Variants in HNMT observed in about 807,000 individuals in gnomAD.
HNMT encodes the protein histamine N-methyltransferase.
Under a neutral mutation model 32.1 loss-of-function variants are expected in HNMT, and 30 were observed. The observed-to-expected ratio is 0.93, with a 90% CI of 0.70 to 1.27. The LOEUF (loss-of-function observed/expected upper bound fraction) is 1.27. Among genes scored for constraint, HNMT ranks in the 50% most tolerant of loss-of-function variants. HNMT has a pLI of 0.00. For missense variants in HNMT, 327 were observed against 346.0 expected, an observed-to-expected ratio of 0.95 and a Z score of 0.43; for synonymous variants, 125 against 119.0, an observed-to-expected ratio of 1.05 and a Z score of -0.33.
intron 5 of HNMT, 140 bp from the exon 6 acceptor site, chr2:138,013,635 C>A: frequency 1.6e-6 from 1 of 629,802 alleles, no homozygotes; most frequent in Non-Finnish European, 2.7e-6. Flanking sequence ...TTTCTCTCTC[C>A]TCCTGTACTC....
intron 2 of HNMT, among the ~76,000 whole-genome samples, chr2:137,976,508 G>A (rs936741568): frequency 3.3e-4 from 50 of 152,160 alleles, no homozygotes; most frequent in Admixed American, 1.6e-3. Flanking sequence ...ATTTTTCGGA[G>A]TAGTGTGGCT....
intron 2 of HNMT, among the ~76,000 whole-genome samples, chr2:137,970,771 T>G (rs1680098839): frequency 3.3e-5 from 5 of 151,608 alleles, no homozygotes; most frequent in Admixed American, 3.3e-4. Context: ...ATACAAAAAA[T>G]TAGCCAAGCG....
intron 2 of HNMT, among the ~76,000 whole-genome samples, chr2:137,984,669 A>G (rs1173964139): frequency 1.3e-5 from 2 of 152,214 alleles, no homozygotes; most frequent in East Asian, 3.9e-4. Flanking sequence ...AACACTAAGT[A>G]AATATTGGAA....
At chr2:138,003,075 G>A (rs1335057587) in intron 4 of HNMT, among the ~76,000 whole-genome samples, 5 of 111,834 alleles carry the variant, frequency 4.5e-5, no homozygotes, top group Non-Finnish European at 9.2e-5. Flanking sequence ...CACACTCTGG[G>A]GTCTGTTGTG....
intron 2 of HNMT, among the ~76,000 whole-genome samples, chr2:137,973,320 C>A (rs1680190020): frequency 6.6e-6 from 1 of 152,078 alleles, no homozygotes; most frequent in Admixed American, 6.6e-5. Flanking sequence ...CTATTATGGC[C>A]TGACTACAAG....
rs1273433086 is a variant in HNMT at position 138,005,221 on chromosome 2, G to T, written c.519G>T (p.Val173=). 6.5e-7 allele frequency: 1 copy of T among 1,548,994 alleles called. No homozygotes were observed. The highest frequency in any genetic ancestry group is 1.7e-5 in the Admixed American group (1 of 59,542). ...ATGCTAAGATGCTCATTATTGTTGT[G>T]TCAGGTAAGTTATTTTCATTCAGCC... ...GTNAKMLIIV[V]SGSSGWDKLW... The change falls in exon 5 of 6, where the codon GTG becomes GTT. Residue 173 remains valine (V), a synonymous_variant. Coordinates refer to ENST00000280097, the MANE Select transcript of HNMT (RefSeq NM_006895.3).
intron 2 of HNMT, among the ~76,000 whole-genome samples, chr2:137,991,235 A>G (rs1394969217): frequency 6.6e-6 from 1 of 152,224 alleles, no homozygotes; most frequent in East Asian, 1.9e-4. Context: ...AAGCTCTTCA[A>G]ATCCTGTTCT....
At chr2:137,981,532 AGGT>A in intron 2 of HNMT, 1 of 659,692 alleles carries the variant, frequency 1.5e-6, no homozygotes, top group South Asian at 2.1e-5. Context: ...CCGTAAAATT[AGGT>A]GTTTTTGCCT....
intron 1 of HNMT, among the ~76,000 whole-genome samples, chr2:137,966,440 G>A (rs1485098671): frequency 6.6e-6 from 1 of 152,070 alleles, no homozygotes; most frequent in East Asian, 1.9e-4. Flanking sequence ...AGCTAAGTAA[G>A]CATGCATATT....
chr2:138,001,974 T>C (rs539262867), intron 3 of HNMT, 90 bp from the exon 4 acceptor site: 43 of 994,150 alleles, frequency 4.3e-5, no homozygotes, highest in Non-Finnish European at 5.9e-5. Flanking sequence ...TGTTTGTATA[T>C]AACATTGATT....
chr2:138,014,640 A>G lies in HNMT; in HGVS notation c.*510A>G, dbSNP rs575376161. 2.0e-5 allele frequency: 3 copies of G among 152,598 alleles called. No individual in the cohort carries two copies. The East Asian group carries it at 5.8e-4, about 30-fold the overall frequency. 9.5% of individuals were successfully genotyped at this position (152,598 alleles called of 1,614,324 possible). ...AGAGTAAGCACCTTTAGAATATTAA[A>G]AATTAATTCTTTATCACATGTTGTC... On this transcript the variant is annotated 3_prime_UTR_variant, in exon 6 of 6. Transcript: ENST00000280097.
chr2:137,995,062 G>C (rs1289536683), intron 2 of HNMT, among the ~76,000 whole-genome samples: 1 of 152,046 alleles, frequency 6.6e-6, no homozygotes, highest in Non-Finnish European at 1.5e-5. Flanking sequence ...CCATCAGAAA[G>C]CCTGAAGATC....
chr2:137,997,380 C>A (rs560458944), intron 2 of HNMT, among the ~76,000 whole-genome samples: 41 of 152,204 alleles, frequency 2.7e-4, no homozygotes, highest in African/African-American at 9.4e-4. Flanking sequence ...ACAGACACTT[C>A]TCAAAAGAAG....
At chr2:137,998,275 T>C (rs1681055579) in intron 2 of HNMT, among the ~76,000 whole-genome samples, 1 of 152,154 alleles carries the variant, frequency 6.6e-6, no homozygotes, top group Non-Finnish European at 1.5e-5. Flanking sequence ...TTTTTGAAAT[T>C]TGTATGCATT....
At chr2:137,978,670 A>C (rs868346875) in intron 2 of HNMT, among the ~76,000 whole-genome samples, 1 of 138,176 alleles carries the variant, frequency 7.2e-6, no homozygotes, top group African/African-American at 2.7e-5. Context: ...ATATGATTAG[A>C]TAATATAGTA....
chr2:137,970,875 G>C (rs1206633334), intron 2 of HNMT, among the ~76,000 whole-genome samples: 1 of 142,354 alleles, frequency 7.0e-6, no homozygotes, highest in African/African-American at 2.6e-5. Flanking sequence ...AGCCGAGATC[G>C]CGCCACTGCA....
chr2:137,991,584 C>CT (rs1680815657), intron 2 of HNMT, among the ~76,000 whole-genome samples: 1 of 152,034 alleles, frequency 6.6e-6, no homozygotes, highest in Non-Finnish European at 1.5e-5. Context: ...TTAACAAGGG[C>CT]TATGGGAATC....
At chr2:138,005,851 T>C (rs1330161822) in intron 5 of HNMT, among the ~76,000 whole-genome samples, 1 of 152,050 alleles carries the variant, frequency 6.6e-6, no homozygotes, top group East Asian at 1.9e-4. Flanking sequence ...ATTGACATTG[T>C]TGAGGACAGT....
chr2:137,989,290 G>GTC (rs1240280299), intron 2 of HNMT, among the ~76,000 whole-genome samples: 4 of 152,056 alleles, frequency 2.6e-5, no homozygotes, highest in Non-Finnish European at 4.4e-5. Context: ...CCATAATTTT[G>GTC]TCTTTTCCAG....
Sources: allele counts gnomAD v4.1 joint callset (sites outside exome capture counted in the v4.1 genomes callset), GRCh38; gene constraint gnomAD v4.1.1; transcripts MANE v1.5; gene names NCBI Gene and HGNC (gene_info 2026-07-23, HGNC 2026-07-21).